The following FRMD6 variants were observed in gnomAD, a reference collection of about 807,000 sequenced individuals.
The protein encoded by FRMD6 is FERM domain containing 6.
A neutral mutation model predicts 73.2 loss-of-function variants in FRMD6; 37 were observed. The observed-to-expected ratio is 0.51, with a 90% CI of 0.39 to 0.66. The LOEUF (loss-of-function observed/expected upper bound fraction) is 0.66. Ranked by LOEUF, FRMD6 falls within the 30% of genes least tolerant of loss-of-function variation. The pLI, the probability that FRMD6 is intolerant of heterozygous loss-of-function variation, is 0.00. For missense variants in FRMD6, 714 were observed against 780.5 expected (o/e 0.91, Z 1.02); for synonymous variants, 273 against 282.2 (o/e 0.97, Z 0.33).
At chr14:51,666,540 T>C (rs1893607034) in intron 1 of FRMD6, among the ~76,000 whole-genome samples, 1 of 152,060 alleles carries the variant, frequency 6.6e-6, no homozygotes, top group Admixed American at 6.6e-5. Context: ...GGTCTAGGAG[T>C]GGGGACTGAA....
chr14:51,540,885 T>C (rs554734974), intron 1 of FRMD6, among the ~76,000 whole-genome samples: 1 of 152,286 alleles, frequency 6.6e-6, no homozygotes, highest in South Asian at 2.1e-4. Flanking sequence ...TAGGAATTCA[T>C]ATTGAAACAA....
chr14:51,536,216 C>T (rs576519604), intron 1 of FRMD6, among the ~76,000 whole-genome samples: 19 of 151,014 alleles, frequency 1.3e-4, no homozygotes, highest in Non-Finnish European at 2.5e-4. Flanking sequence ...ACCTCAGCCT[C>T]CTGAGTAGCT....
the FRMD6 span, among the ~76,000 whole-genome samples, chr14:51,459,877 TGA>T: frequency 8.0e-6 from 1 of 124,652 alleles, no homozygotes; most frequent in African/African-American, 3.0e-5. Flanking sequence ...TTAAAATTAC[TGA>T]CTCTCTTTTT....
chr14:51,400,834 G>A, the FRMD6 span, among the ~76,000 whole-genome samples: 1 of 152,162 alleles, frequency 6.6e-6, no homozygotes, highest in South Asian at 2.1e-4. Context: ...AATCCAGAGG[G>A]CTATTTAGGT....
upstream of FRMD6, chr14:51,651,324 G>A (rs1356800159): frequency 6.6e-6 from 1 of 152,034 alleles, no homozygotes; most frequent in South Asian, 2.1e-4. Flanking sequence ...GGGCGGGCAG[G>A]GGGCTGCAGG....
intron 2 of FRMD6, among the ~76,000 whole-genome samples, chr14:51,640,033 C>T (rs1158831617): frequency 3.9e-5 from 6 of 152,226 alleles, no homozygotes; most frequent in Admixed American, 3.3e-4. Context: ...ATGTTATTCA[C>T]TAAGACTGGT....
At chr14:51,647,841 T>C (rs763732747), upstream of FRMD6, among the ~76,000 whole-genome samples, 7 of 152,192 alleles carry the variant, frequency 4.6e-5, no homozygotes, top group Non-Finnish European at 7.3e-5. Flanking sequence ...AATTAATTTA[T>C]TGAGATGGAG....
chr14:51,521,896 C>T (rs8008251), intron 1 of FRMD6, among the ~76,000 whole-genome samples: 55,022 of 151,904 alleles, frequency 0.36, 10,148 homozygotes, highest in African/African-American at 0.41. Flanking sequence ...AAATTCCTAG[C>T]TTTGAACAAA....
intron 13 of FRMD6, 26 bp downstream of exon 13, chr14:51,725,896 G>C (rs759867759): frequency 9.1e-6 from 14 of 1,530,382 alleles, no homozygotes; most frequent in Middle Eastern, 1.7e-4. Context: ...AAAAATATCA[G>C]TTAGGAAACT....
chr14:51,691,310 T>C (rs572028945), intron 2 of FRMD6, among the ~76,000 whole-genome samples: 157 of 152,352 alleles, frequency 1.0e-3, no homozygotes, highest in Middle Eastern at 3.4e-3. Context: ...GAACATGTTA[T>C]GTGTATGCAC....
the FRMD6 span, among the ~76,000 whole-genome samples, chr14:51,470,610 T>C: frequency 5.5e-4 from 84 of 152,344 alleles, no homozygotes; most frequent in African/African-American, 1.9e-3. Flanking sequence ...TTTTTGCTCT[T>C]ATTTTTATCA....
chr14:51,511,114 G>A (rs1884279742), intron 1 of FRMD6, among the ~76,000 whole-genome samples: 1 of 151,968 alleles, frequency 6.6e-6, no homozygotes, highest in Non-Finnish European at 1.5e-5. Context: ...CTACTCCCCA[G>A]TGGCTATTAC....
rs187177205 is a variant in FRMD6 at position 51,570,132 on chromosome 14, G to A, written c.-209-216G>A. Among the ~76,000 whole-genome samples the A allele has an allele frequency of 2.8e-4, 42 of 152,156 alleles. No homozygotes were observed. In the East Asian group the frequency reaches 3.1e-3, roughly 11 times the overall value. The stretch of plus-strand genomic sequence containing the variant: ...GCCCGGCCCATGAGCCACCGTGCCC[G>A]GCGGAGAATTTTCTTTTTAACTTGT... On this transcript the variant is annotated intron_variant, in intron 1 of 14. Coordinates refer to the FRMD6 transcript ENST00000356218.
intron 10 of FRMD6, among the ~76,000 whole-genome samples, chr14:51,718,134 T>G (rs978970884): frequency 6.6e-6 from 1 of 152,180 alleles, no homozygotes; most frequent in Non-Finnish European, 1.5e-5. Context: ...TCAGAATTAT[T>G]TAATGTTTCT....
rs967528456 is a variant in FRMD6, at chr14:51,547,255, C to T, written c.-209-23093C>T. ...AAAATAAAAAGCACAAAACCCTCTACCCTAGAGTCTCAACCATTGACAAGT... is the reference window on the plus strand; with the variant it reads ...AAAATAAAAAGCACAAAACCCTCTATCCTAGAGTCTCAACCATTGACAAGT... On this transcript the variant is annotated intron_variant, in intron 1 of 14. Transcript: ENST00000356218. 2.6e-5 allele frequency among the ~76,000 whole-genome samples: 4 copies of T among 152,144 alleles called. No homozygotes were observed. The East Asian group carries it at 7.7e-4, about 29-fold the overall frequency.
At chr14:51,419,845 C>T in the FRMD6 span, among the ~76,000 whole-genome samples, 1 of 152,046 alleles carries the variant, frequency 6.6e-6, no homozygotes, top group Non-Finnish European at 1.5e-5. Context: ...TTCCTTCCCT[C>T]ATTTGGTATA....
chr14:51,524,281 T>C (rs1003218857), intron 1 of FRMD6, among the ~76,000 whole-genome samples: 1 of 152,130 alleles, frequency 6.6e-6, no homozygotes, highest in African/African-American at 2.4e-5. Context: ...AGGTAACTTA[T>C]AAAGATTTTA....
At chr14:51,642,267 T>C (rs1045330100) in intron 2 of FRMD6, among the ~76,000 whole-genome samples, 2 of 152,210 alleles carry the variant, frequency 1.3e-5, no homozygotes, top group Non-Finnish European at 2.9e-5. Flanking sequence ...AGGCCGGGCA[T>C]GGTGGCTCAC....
the FRMD6 span, among the ~76,000 whole-genome samples, chr14:51,415,529 T>C: frequency 2.6e-5 from 4 of 152,230 alleles, no homozygotes; most frequent in Admixed American, 6.5e-5. Flanking sequence ...GATAAGCTTT[T>C]TGATGTGCTG....
Sources: gnomAD v4.1 joint callset for allele counts (sites outside exome capture counted in the v4.1 genomes callset) on GRCh38, gnomAD v4.1.1 for gene constraint, MANE v1.5 for transcripts, NCBI Gene and HGNC (gene_info 2026-07-23, HGNC 2026-07-21) for gene names.